The following OPHN1 variants were observed in gnomAD, a reference collection of about 807,000 sequenced individuals.
The protein encoded by OPHN1 is oligophrenin 1.
Under a neutral mutation model 60.7 loss-of-function variants are expected in OPHN1, and 11 were observed. The observed-to-expected ratio is 0.18, with a 90% CI of 0.11 to 0.30. OPHN1 has a LOEUF of 0.30. Among genes scored for constraint, OPHN1 ranks in the 10% least tolerant of loss-of-function variants. The pLI, the probability that OPHN1 is intolerant of heterozygous loss-of-function variation, is 1.00. For synonymous variants in OPHN1, 226 were observed against 222.6 expected, an observed-to-expected ratio of 1.02 and a Z score of -0.14; for missense variants, 449 against 611.0, an observed-to-expected ratio of 0.73 and a Z score of 2.80.
chrX:68,310,480 C>T (rs1178928129), intron 2 of OPHN1, among the ~76,000 whole-genome samples: 1 of 110,119 alleles, frequency 9.1e-6, no homozygotes, highest in East Asian at 2.9e-4. Flanking sequence ...ACCCAGGGCA[C>T]ATAAGGGAAT....
chrX:68,154,470 T>G (rs2077299323), intron 15 of OPHN1, among the ~76,000 whole-genome samples: 1 of 112,763 alleles, frequency 8.9e-6, no homozygotes, highest in African/African-American at 3.2e-5. Context: ...GCTAAAATTA[T>G]ATCGATTCTT....
chrX:68,118,958 C>CT (rs772565150), intron 16 of OPHN1, among the ~76,000 whole-genome samples: 2 of 112,281 alleles, frequency 1.8e-5, no homozygotes, highest in Non-Finnish European at 3.8e-5. Context: ...CAACATCACT[C>CT]TATCTGTGAA....
chrX:68,187,909 G>A (rs1023964983), intron 15 of OPHN1, among the ~76,000 whole-genome samples: 2 of 111,952 alleles, frequency 1.8e-5, no homozygotes, highest in African/African-American at 6.5e-5. Flanking sequence ...TTACAGGTGT[G>A]AGCCACCGTG....
intron 6 of OPHN1, among the ~76,000 whole-genome samples, chrX:68,218,367 C>A (rs1352252104): frequency 2.0e-5 from 2 of 98,302 alleles, no homozygotes; most frequent in Non-Finnish European, 4.1e-5. Context: ...AGGATATTAT[C>A]CAAGAGAAAT....
At chrX:68,114,060 A>G (rs752609469) in intron 16 of OPHN1, among the ~76,000 whole-genome samples, 1 of 110,601 alleles carries the variant, frequency 9.0e-6, no homozygotes, top group Non-Finnish European at 1.9e-5. Context: ...ATGAATAGAA[A>G]TAGTCCAAAC....
chrX:68,128,098 G>A (rs2077179098), intron 15 of OPHN1, among the ~76,000 whole-genome samples: 2 of 109,016 alleles, frequency 1.8e-5, no homozygotes, highest in Non-Finnish European at 3.8e-5. Context: ...CACTCAGGCT[G>A]CAGTGTAATG....
At chrX:68,056,434 A>T (rs372332305) in intron 21 of OPHN1, among the ~76,000 whole-genome samples, 1 of 111,852 alleles carries the variant, frequency 8.9e-6, no homozygotes, top group East Asian at 2.8e-4. Context: ...TATGTAAAGA[A>T]ATAATGATAA....
chrX:68,083,538 T>C (rs1428946116), intron 19 of OPHN1, among the ~76,000 whole-genome samples: 1 of 112,197 alleles, frequency 8.9e-6, no homozygotes, highest in African/African-American at 3.2e-5. Flanking sequence ...CTATGAGCAA[T>C]AAGGCTATTT....
intron 21 of OPHN1, among the ~76,000 whole-genome samples, chrX:68,057,921 C>T (rs1464840811): frequency 1.8e-5 from 2 of 111,543 alleles, no homozygotes; most frequent in Non-Finnish European, 3.8e-5. Context: ...GACTGTTTTT[C>T]CAGATGAATG....
intron 6 of OPHN1, among the ~76,000 whole-genome samples, chrX:68,220,960 G>A (rs1263041370): frequency 1.1e-5 from 1 of 93,361 alleles, no homozygotes; most frequent in Non-Finnish European, 2.2e-5. Context: ...GGAAATAAAG[G>A]GTATTCAATT....
intron 9 of OPHN1, among the ~76,000 whole-genome samples, chrX:68,208,937 G>A (rs755008269): frequency 4.4e-5 from 5 of 112,366 alleles, no homozygotes; most frequent in Admixed American, 9.4e-5. Flanking sequence ...GAAATTGTGC[G>A]ACACACAGTT....
chrX:68,180,331 T>C (rs960892831), intron 15 of OPHN1, among the ~76,000 whole-genome samples: 1 of 112,115 alleles, frequency 8.9e-6, no homozygotes, highest in African/African-American at 3.2e-5. Context: ...TCTGAACACA[T>C]TTTAATGCTT....
In OPHN1 at chrX:68,066,424, C is replaced by T. The variant is rs2076913405; in HGVS notation, c.1835-2247G>A. Among the ~76,000 whole-genome samples the T allele has an allele frequency of 4.5e-5, 5 of 111,565 alleles. No individual in the cohort carries two copies. In the South Asian group the frequency reaches 1.9e-3, roughly 43 times the overall value. Reference sequence around the variant, plus strand: ...TACACAGCCTCAGAGAGGCTGCTACCTTCCACTCAGGAAAGTATCTTCTGC... The same window carrying T: ...TACACAGCCTCAGAGAGGCTGCTACTTTCCACTCAGGAAAGTATCTTCTGC... On this transcript the variant is annotated intron_variant, in intron 20 of 24. Coordinates refer to ENST00000355520, the MANE Select transcript of OPHN1 (RefSeq NM_002547.3).
At position 68,161,222 on chromosome X, in the gene OPHN1, TAA is replaced by T. The variant is rs759970077; in HGVS notation, c.1276+31695_1276+31696del. 2.1e-3 allele frequency among the ~76,000 whole-genome samples: 227 copies of T among 109,833 alleles called. 1 individual carries two copies. The highest frequency in any genetic ancestry group is 7.0e-3 in the African/African-American group (213 of 30,372). On this transcript the variant is annotated intron_variant, in intron 15 of 24. Coordinates refer to ENST00000355520, the MANE Select transcript of OPHN1 (RefSeq NM_002547.3). ...AAAATCTGAATAGGCCTGCAATGAG[TAA>T]AGAGATTAAATTACTAATTAAAAAT...
At chrX:68,416,075 G>T (rs1452138289) in intron 2 of OPHN1, among the ~76,000 whole-genome samples, 15 of 11,769 alleles carry the variant, frequency 1.3e-3, no homozygotes, top group Non-Finnish European at 3.5e-3. Context: ...TATAGAGAGA[G>T]AGAGAGAGAG....
chrX:68,296,485 G>A (rs1312463987), intron 3 of OPHN1, among the ~76,000 whole-genome samples: 1 of 109,282 alleles, frequency 9.2e-6, no homozygotes, highest in South Asian at 4.1e-4. Flanking sequence ...TGGTGAAACC[G>A]TGTATCTATT....
chrX:68,079,130 C>G (rs2076965124), intron 19 of OPHN1, among the ~76,000 whole-genome samples: 1 of 111,403 alleles, frequency 9.0e-6, no homozygotes, highest in Non-Finnish European at 1.9e-5. Flanking sequence ...AATGCCTCTA[C>G]CTATGCTCTG....
chrX:68,137,678 A>C (rs114969149), intron 15 of OPHN1, among the ~76,000 whole-genome samples: 2,058 of 112,151 alleles, frequency 0.018, 46 homozygotes, highest in African/African-American at 0.063. Context: ...ATATGTGTAC[A>C]TATGAGTGAA....
chrX:68,404,917 G>A (rs1394808152), intron 2 of OPHN1, among the ~76,000 whole-genome samples: 1 of 111,049 alleles, frequency 9.0e-6, no homozygotes, highest in Non-Finnish European at 1.9e-5. Flanking sequence ...AAGGCTGGGG[G>A]GAGAAGGGGG....
Sources: gnomAD v4.1 joint callset for allele counts (sites outside exome capture counted in the v4.1 genomes callset) on GRCh38, gnomAD v4.1.1 for gene constraint, MANE v1.5 for transcripts, NCBI Gene and HGNC (gene_info 2026-07-23, HGNC 2026-07-21) for gene names.